BMAL1: variants seen among roughly 807,000 people sequenced by gnomAD.
BMAL1 encodes the protein basic helix-loop-helix ARNT-like protein 1.
chr11:13,346,244 G>A, the BMAL1 span, among the ~76,000 whole-genome samples: 1 of 152,220 alleles, frequency 6.6e-6, no homozygotes, highest in Non-Finnish European at 1.5e-5. Flanking sequence ...CCAGTCACAT[G>A]GCCAGGCCTG....
chr11:13,344,356 T>C, the BMAL1 span, among the ~76,000 whole-genome samples: 5 of 152,220 alleles, frequency 3.3e-5, no homozygotes, highest in African/African-American at 7.2e-5. Context: ...TCAACAAATA[T>C]CTGCCACTTC....
chr11:13,382,944 G>GA, the BMAL1 span, among the ~76,000 whole-genome samples: 1 of 152,152 alleles, frequency 6.6e-6, no homozygotes, highest in Non-Finnish European at 1.5e-5. Flanking sequence ...AGGCACTTAT[G>GA]AAAATTCTCC....
At chr11:13,333,101 G>A in the BMAL1 span, among the ~76,000 whole-genome samples, 2 of 151,992 alleles carry the variant, frequency 1.3e-5, no homozygotes, top group South Asian at 4.2e-4. Flanking sequence ...CAAGTAGCTG[G>A]GATTACAGGT....
chr11:13,346,871 G>T, the BMAL1 span, among the ~76,000 whole-genome samples: 2 of 152,194 alleles, frequency 1.3e-5, no homozygotes, highest in Admixed American at 1.3e-4. Flanking sequence ...CAGGGCGGCC[G>T]TCAGAGCCCA....
At chr11:13,340,233 A>G in the BMAL1 span, among the ~76,000 whole-genome samples, 1 of 152,124 alleles carries the variant, frequency 6.6e-6, no homozygotes, top group Admixed American at 6.5e-5. Flanking sequence ...GACATAAGAG[A>G]TGCCCCCAGC....
chr11:13,309,505 G>A, the BMAL1 span, among the ~76,000 whole-genome samples: 3 of 152,110 alleles, frequency 2.0e-5, no homozygotes, highest in Non-Finnish European at 2.9e-5. Context: ...TGGGGTTGAG[G>A]CATTCATTTT....
the BMAL1 span, among the ~76,000 whole-genome samples, chr11:13,323,609 C>T: frequency 7.2e-5 from 11 of 152,206 alleles, no homozygotes; most frequent in African/African-American, 2.6e-4. Context: ...GTTTGTTTTA[C>T]TGGTTTTAAA....
chr11:13,362,192 T>C, the BMAL1 span, among the ~76,000 whole-genome samples: 1 of 152,194 alleles, frequency 6.6e-6, no homozygotes, highest in Admixed American at 6.5e-5. Context: ...TGTGGTCTGA[T>C]TGGCCTGAGG....
At chr11:13,368,322 A>T in the BMAL1 span, among the ~76,000 whole-genome samples, 2 of 152,220 alleles carry the variant, frequency 1.3e-5, no homozygotes, top group African/African-American at 4.8e-5. Context: ...TGAAAAGATG[A>T]ATTAATGTTT....
the BMAL1 span, among the ~76,000 whole-genome samples, chr11:13,359,030 G>C: frequency 6.6e-6 from 1 of 152,184 alleles, no homozygotes; most frequent in Non-Finnish European, 1.5e-5. Context: ...GTGAGTCATG[G>C]GTTGTGGGTT....
chr11:13,354,554 A>G, the BMAL1 span: 2 of 1,452,698 alleles, frequency 1.4e-6, no homozygotes, highest in Non-Finnish European at 1.8e-6. Context: ...AGGGGATGGG[A>G]ATAAAAAACC....
the BMAL1 span, among the ~76,000 whole-genome samples, chr11:13,361,883 C>G: frequency 1.3e-5 from 2 of 152,190 alleles, no homozygotes; most frequent in East Asian, 3.9e-4. Context: ...AAATGAAGCT[C>G]TAGTCTGGCT....
the BMAL1 span, chr11:13,369,510 T>G: frequency 7.6e-7 from 1 of 1,309,426 alleles, no homozygotes. Context: ...CATGTCATCA[T>G]TATAAAACAG....
chr11:13,366,013 AATG>A, the BMAL1 span, among the ~76,000 whole-genome samples: 2 of 152,184 alleles, frequency 1.3e-5, no homozygotes, highest in South Asian at 4.1e-4. Flanking sequence ...TCTAAAAATT[AATG>A]ATAACTTATA....
At chr11:13,301,403 C>T in the BMAL1 span, among the ~76,000 whole-genome samples, 8 of 152,236 alleles carry the variant, frequency 5.3e-5, no homozygotes, top group South Asian at 1.7e-3. Context: ...AAGCTCATGA[C>T]CAGGGAGTGG....
At chr11:13,375,461 A>G in the BMAL1 span, 9 of 558,242 alleles carry the variant, frequency 1.6e-5, no homozygotes, top group Non-Finnish European at 2.7e-5. Flanking sequence ...GAAACAACCT[A>G]TTTCCTGAGT....
the BMAL1 span, among the ~76,000 whole-genome samples, chr11:13,377,165 G>A: frequency 1.3e-5 from 2 of 152,092 alleles, no homozygotes; most frequent in Non-Finnish European, 1.5e-5. Context: ...TGCTGTCCAC[G>A]CTGGACTCAT....
chr11:13,358,741 A>G, the BMAL1 span: 2 of 887,188 alleles, frequency 2.3e-6, no homozygotes, highest in African/African-American at 3.4e-5. Flanking sequence ...AACAGCCGTG[A>G]TGCCAAATGA....
At chr11:13,375,559 T>A in the BMAL1 span, 1 of 1,448,484 alleles carries the variant, frequency 6.9e-7, no homozygotes, top group Non-Finnish European at 9.2e-7. Context: ...ATGTCCTGTT[T>A]AATACTTTGG....
Sources: gnomAD v4.1 joint callset for allele counts (sites outside exome capture counted in the v4.1 genomes callset) on GRCh38, gnomAD v4.1.1 for gene constraint, MANE v1.5 for transcripts, NCBI Gene and HGNC (gene_info 2026-07-23, HGNC 2026-07-21) for gene names.